The following BCAS3 variants were observed in gnomAD, a reference collection of about 807,000 sequenced individuals.
BCAS3 encodes BCAS4/BCAS3 fusion.
Under a neutral mutation model 116.1 loss-of-function variants are expected in BCAS3, and 53 were observed. That is an observed-to-expected ratio of 0.46 (90% confidence interval 0.37 to 0.57). The LOEUF (loss-of-function observed/expected upper bound fraction) is 0.57. Among genes scored for constraint, BCAS3 ranks in the 20% least tolerant of loss-of-function variants. The pLI, the probability that BCAS3 is intolerant of heterozygous loss-of-function variation, is 0.00. For synonymous variants in BCAS3, 391 were observed against 408.2 expected (o/e 0.96, Z 0.51); for missense variants, 917 against 1,165.4 (o/e 0.79, Z 3.10).
chr17:61,254,703 G>A (rs796917828), intron 22 of BCAS3, among the ~76,000 whole-genome samples: 56 of 147,592 alleles, frequency 3.8e-4, no homozygotes, highest in African/African-American at 1.3e-3. Flanking sequence ...CTTGAACCTG[G>A]GAGGTGGAGG....
chr17:61,277,262 C>CAAAAAA (rs58849968), intron 22 of BCAS3, among the ~76,000 whole-genome samples: 3 of 101,738 alleles, frequency 2.9e-5, no homozygotes, highest in Admixed American at 1.2e-4. Context: ...GACCCTGTAT[C>CAAAAAA]AAAAAAAAAA....
rs1292657923 is a variant in BCAS3, at chr17:61,256,154, T to C, written c.2426-112173T>C. 6.6e-6 allele frequency among the ~76,000 whole-genome samples: 1 copy of C among 152,216 alleles called. No homozygotes were observed. Among genetic ancestry groups the C allele is most frequent in the Non-Finnish European group, 1.5e-5 (1 of 68,030 alleles). Reference sequence around the variant, plus strand: ...TGTAACTGAGGTTTCTGTTTTAACATGAAAGTACTATATTTACCTTCAAAA... The same window carrying C: ...TGTAACTGAGGTTTCTGTTTTAACACGAAAGTACTATATTTACCTTCAAAA... On this transcript the variant is annotated intron_variant, in intron 22 of 23. Transcript: ENST00000407086. The surrounding 1 kb of genome is among the most constrained non-coding windows in gnomAD (Gnocchi z 5.6).
At chr17:60,893,597 G>C (rs2057317887) in intron 10 of BCAS3, among the ~76,000 whole-genome samples, 1 of 127,414 alleles carries the variant, frequency 7.8e-6, no homozygotes, top group African/African-American at 3.1e-5. Context: ...CTTGACCTAT[G>C]ATCTTTTTTT....
At position 61,347,111 on chromosome 17, in the gene BCAS3, G is replaced by A. The variant is rs2057545195; in HGVS notation, c.2426-21216G>A. 6.6e-6 allele frequency among the ~76,000 whole-genome samples: 1 copy of A among 152,048 alleles called. No individual in the cohort carries two copies. Among genetic ancestry groups the A allele is most frequent in the African/African-American group, 2.4e-5 (1 of 41,392 alleles). ...TTTTTTTAAGGCAGAGTCTTGCTCT[G>A]TCACCCAGGCTGGAGTGCAGTGGTG... On this transcript the variant is annotated intron_variant, in intron 22 of 23. Coordinates refer to ENST00000407086, the MANE Select transcript of BCAS3 (RefSeq NM_017679.5). This position sits in a 1 kb window ranked among gnomAD's most constrained non-coding sequence, Gnocchi z 4.3.
Position 60,988,360 on chromosome 17 carries a change from T to TTTG in BCAS3, c.1222-1611_1222-1610insTTG, listed in dbSNP as rs1555651709. Among the ~76,000 whole-genome samples the TTTG allele has an allele frequency of 4.8e-3, 640 of 134,696 alleles. 12 individuals carry two copies. The highest frequency in any genetic ancestry group is 0.02 in the East Asian group (96 of 4,728). 88.4% of individuals were successfully genotyped at this position (134,696 alleles called of 152,430 possible). On this transcript the variant is annotated intron_variant, in intron 14 of 23. Coordinates refer to ENST00000407086, the MANE Select transcript of BCAS3 (RefSeq NM_017679.5). Reference sequence around the variant, plus strand: ...TTTCTTTTTTTTTTTTTTTTTTTTTTATGTATGTGTTTGGTTTTGGTTTCA... The same window carrying TTTG: ...TTTCTTTTTTTTTTTTTTTTTTTTTTTTGATGTATGTGTTTGGTTTTGGTTTCA...
At chr17:60,861,339 T>A (rs1044976766) in intron 7 of BCAS3, among the ~76,000 whole-genome samples, 1 of 152,252 alleles carries the variant, frequency 6.6e-6, no homozygotes, top group South Asian at 2.1e-4. Context: ...ATACATTGAT[T>A]TTATATCCTG....
At chr17:60,845,387 GGA>G (rs2052420061) in intron 7 of BCAS3, among the ~76,000 whole-genome samples, 3 of 152,296 alleles carry the variant, frequency 2.0e-5, no homozygotes, top group African/African-American at 7.2e-5. Context: ...AATTGTTTAG[GGA>G]GATTACTGTG....
At chr17:60,711,556 A>G (rs1191137133) in intron 5 of BCAS3, among the ~76,000 whole-genome samples, 3 of 152,106 alleles carry the variant, frequency 2.0e-5, no homozygotes, top group African/African-American at 7.2e-5. Context: ...CTTTGGTGGT[A>G]TTCAGGTTGT....
At chr17:61,231,135 G>T (rs1360835647) in intron 22 of BCAS3, among the ~76,000 whole-genome samples, 1 of 152,014 alleles carries the variant, frequency 6.6e-6, no homozygotes, top group African/African-American at 2.4e-5. Context: ...TCTGACTGGT[G>T]TGAGATTATA....
chr17:60,722,852 A>T (rs1375032528), intron 5 of BCAS3, among the ~76,000 whole-genome samples: 1 of 151,550 alleles, frequency 6.6e-6, no homozygotes, highest in African/African-American at 2.4e-5. Flanking sequence ...ATCCTTTGAG[A>T]TTAGAAGTTT....
At position 61,380,353 on chromosome 17, in the gene BCAS3, G is replaced by C. The variant is rs976555542; in HGVS notation, c.2594-11624G>C. 6.0e-6 allele frequency: 4 copies of C among 668,486 alleles called. No individual in the cohort carries two copies. The East Asian group carries it at 8.2e-5, about 14-fold the overall frequency. 41.4% of individuals were successfully genotyped at this position (668,486 alleles called of 1,614,324 possible). A position where few individuals can be genotyped will look rare whatever the true frequency, so the allele number is the denominator to read the frequency against. On this transcript the variant is annotated intron_variant, in intron 23 of 23. Transcript: ENST00000407086. This position sits in a 1 kb window ranked among gnomAD's most constrained non-coding sequence, Gnocchi z 4.2. ...GAGAAATCTGTAAAACCCTAGATGT[G>C]CTGTGCCTGGGAACAGACCATGAAC...
rs1217396775 is a variant in BCAS3 at position 61,267,609 on chromosome 17, T to TGCCTGTAA, written c.2426-100717_2426-100710dup. Among the ~76,000 whole-genome samples, 6 of 146,724 alleles carry TGCCTGTAA rather than the reference T, an allele frequency of 4.1e-5. No homozygotes were observed. In the Admixed American group the frequency reaches 4.1e-4, roughly 10 times the overall value. The stretch of plus-strand genomic sequence containing the variant: ...AAAATTAGCTGGGCATGGTGATGTG[T>TGCCTGTAA]GCCTGTAATCCTCCTGGATTACAGG... On this transcript the variant is annotated intron_variant, in intron 22 of 23. Coordinates refer to ENST00000407086, the MANE Select transcript of BCAS3 (RefSeq NM_017679.5).
chr17:61,040,803 G>A lies in BCAS3; in HGVS notation c.1940G>A (p.Trp647Ter). The change falls in exon 19 of 24, where the codon TGG becomes TAG. Residue 647 changes from tryptophan to a stop codon, truncating the protein, a stop_gained. Transcript: ENST00000407086. LOFTEE classifies it high-confidence loss of function. ...TCCTGTTTCCTTAGAACCCCTCAAT[G>A]GAATGAATTGCAGCCACCGTTTAAT... is the stretch of plus-strand genomic sequence containing the variant. ...ASWTLVRTPQ[W>*]NELQPPFNAN... The A allele has an allele frequency of 6.2e-7, 1 of 1,613,638 alleles. No individual in the cohort carries two copies. The highest frequency in any genetic ancestry group is 8.5e-7 in the Non-Finnish European group (1 of 1,179,604).
chr17:60,949,154 C>T (rs907538595), intron 14 of BCAS3, among the ~76,000 whole-genome samples: 5 of 152,266 alleles, frequency 3.3e-5, no homozygotes, highest in African/African-American at 9.6e-5. Context: ...GGATTATAGA[C>T]GTGAGCCACC....
At chr17:61,183,789 G>T (rs2079610566) in intron 22 of BCAS3, among the ~76,000 whole-genome samples, 2 of 152,226 alleles carry the variant, frequency 1.3e-5, no homozygotes, top group South Asian at 4.1e-4. Flanking sequence ...GAATTTATGA[G>T]AAAATGACTG....
chr17:60,764,034 C>G (rs1273948211), intron 6 of BCAS3, among the ~76,000 whole-genome samples: 2 of 152,118 alleles, frequency 1.3e-5, no homozygotes, highest in Non-Finnish European at 2.9e-5. Context: ...TGTGGGATCG[C>G]TGGTGAGATC....
intron 19 of BCAS3, among the ~76,000 whole-genome samples, chr17:61,059,991 A>G (rs964869806): frequency 1.3e-5 from 2 of 152,186 alleles, no homozygotes; most frequent in Non-Finnish European, 2.9e-5. Flanking sequence ...AGAGAAAGTG[A>G]AAATGAAAGA....
At position 61,211,017 on chromosome 17, in the gene BCAS3, A is replaced by G. The variant is rs1361721670; in HGVS notation, c.2425+126453A>G. Among the ~76,000 whole-genome samples the G allele has an allele frequency of 1.3e-5, 2 of 152,018 alleles. No individual in the cohort carries two copies. The highest frequency in any genetic ancestry group is 2.9e-5 in the Non-Finnish European group (2 of 67,992). On this transcript the variant is annotated intron_variant, in intron 22 of 23. Coordinates refer to ENST00000407086, the MANE Select transcript of BCAS3 (RefSeq NM_017679.5). The surrounding 1 kb of genome is among the most constrained non-coding windows in gnomAD (Gnocchi z 4.4). The stretch of plus-strand genomic sequence containing the variant: ...AGATGATGAGCCAAAGGCTTCCCTA[A>G]GCTAGGGTCCCATAGTCTTCCCCAA...
Position 60,902,962 on chromosome 17 carries a change from T to G in BCAS3, c.822+259T>G, listed in dbSNP as rs568631957. Among the ~76,000 whole-genome samples, 334 of 152,340 alleles carry G rather than the reference T, an allele frequency of 2.2e-3. 1 individual carries two copies. Among genetic ancestry groups the G allele is most frequent in the African/African-American group, 7.3e-3 (305 of 41,566 alleles). ...GCCTACACTGACATCCCTTTGCATC[T>G]TTGAACATTTCAGAGTCTTCTTCTC... On this transcript the variant is annotated intron_variant, in intron 11 of 23. Transcript: ENST00000407086.
Sources: gnomAD v4.1 joint callset for allele counts (sites outside exome capture counted in the v4.1 genomes callset) on GRCh38, gnomAD v4.1.1 for gene constraint, Gnocchi (gnomAD v3.1) non-coding constraint, MANE v1.5 for transcripts, NCBI Gene and HGNC (gene_info 2026-07-23, HGNC 2026-07-21) for gene names.